LIFR: variants seen among roughly 807,000 people sequenced by gnomAD.
The protein encoded by LIFR is LIF receptor subunit alpha, also known as leukemia inhibitory factor receptor.
In LIFR, 84 loss-of-function variants were observed where a neutral mutation model predicts 122.2. The ratio of observed to expected loss-of-function variants is 0.69; its 90% CI spans 0.58 to 0.82. The LOEUF is 0.82. Ranked by LOEUF, LIFR falls within the 40% of genes least tolerant of loss-of-function variation. The probability of loss-of-function intolerance (pLI) is 0.00; values close to 1 mark genes in which losing one functional copy is unlikely to be tolerated. For missense variants in LIFR, 1,294 were observed against 1,311.6 expected, an observed-to-expected ratio of 0.99 and a Z score of 0.21; for synonymous variants, 422 against 434.7, an observed-to-expected ratio of 0.97 and a Z score of 0.36.
chr5:38,510,433 A>G (rs895080122), intron 7 of LIFR, 31 bp downstream of exon 7: 3 of 1,606,230 alleles, frequency 1.9e-6, no homozygotes, highest in Non-Finnish European at 8.5e-7. Flanking sequence ...ACAGGTTAAT[A>G]GGAATTCTCT....
At chr5:38,528,645 T>C in intron 3 of LIFR, 81 bp downstream of exon 3, 1 of 863,634 alleles carries the variant, frequency 1.2e-6, no homozygotes. Flanking sequence ...CCCTTTAGTT[T>C]CACAAGCAAT....
At chr5:38,512,785 C>T (rs1327165248) in intron 5 of LIFR, among the ~76,000 whole-genome samples, 2 of 152,094 alleles carry the variant, frequency 1.3e-5, no homozygotes, top group Non-Finnish European at 2.9e-5. Context: ...ATTAGGGATG[C>T]TCAACCTGTA....
intron 4 of LIFR, among the ~76,000 whole-genome samples, chr5:38,524,437 G>A (rs922438379): frequency 1.3e-4 from 20 of 152,172 alleles, no homozygotes; most frequent in African/African-American, 4.3e-4. Flanking sequence ...GACCACTGGA[G>A]CAATCCTGGC....
chr5:38,594,526 CAG>C (rs1367357349), intron 1 of LIFR, among the ~76,000 whole-genome samples: 4 of 152,060 alleles, frequency 2.6e-5, no homozygotes, highest in Non-Finnish European at 4.4e-5. Context: ...ATGTTACTAA[CAG>C]GGGAGACTGG....
chr5:38,502,474 G>A (rs1247218701), intron 11 of LIFR, among the ~76,000 whole-genome samples, 163 bp downstream of exon 11: 1 of 152,054 alleles, frequency 6.6e-6, no homozygotes, highest in African/African-American at 2.4e-5. Context: ...GGTCAGGCTG[G>A]TCTCAAACTC....
chr5:38,564,767 C>CACACAT (rs1251512965), intron 1 of LIFR, among the ~76,000 whole-genome samples: 1 of 148,986 alleles, frequency 6.7e-6, no homozygotes, highest in Non-Finnish European at 1.5e-5. Context: ...CACACACACA[C>CACACAT]ACACACACAC....
rs1561180155 is a variant in LIFR at position 38,528,873 on chromosome 5, C to G, written c.143-33G>C. On this transcript the variant is annotated intron_variant, in intron 2 of 19. Transcript: ENST00000453190. ...AGACACACACACACACACACACACA[C>G]ACACAGACACACATAAACACAGAAT... 3 of 494,206 alleles carry G rather than the reference C, an allele frequency of 6.1e-6. No individual in the cohort carries two copies. In the South Asian group the frequency reaches 9.9e-5, roughly 16 times the overall value. The allele number at this position is 494,206 out of a possible 1,614,324, so 30.6% of individuals were successfully genotyped here.
chr5:38,546,512 A>G lies in LIFR; in HGVS notation c.-20+9822T>C, dbSNP rs1747902529. On this transcript the variant is annotated intron_variant, in intron 1 of 19. Transcript: ENST00000453190. ...GAAGCTCTGGAAATACTCATTCCAC[A>G]TCTCACAGGATAACAATCAACTCCA... Among the ~76,000 whole-genome samples the G allele has an allele frequency of 1.2e-4, 18 of 152,350 alleles. 1 individual carries two copies. The South Asian group carries it at 3.5e-3, about 30-fold the overall frequency.
At chr5:38,504,184 AC>A in intron 9 of LIFR, 63 bp from the exon 10 acceptor site, 1 of 1,130,962 alleles carries the variant, frequency 8.8e-7, no homozygotes. Flanking sequence ...TTCTAATATG[AC>A]AAATGAGAAG....
intron 1 of LIFR, among the ~76,000 whole-genome samples, chr5:38,538,533 C>T (rs1747410276): frequency 6.6e-6 from 1 of 152,216 alleles, no homozygotes; most frequent in African/African-American, 2.4e-5. Flanking sequence ...CCCTCCAAAC[C>T]TGCTCTCTTG....
chr5:38,548,604 C>T (rs945491404), intron 1 of LIFR, among the ~76,000 whole-genome samples: 2 of 152,112 alleles, frequency 1.3e-5, no homozygotes, highest in African/African-American at 4.8e-5. Context: ...AGGCACTCAA[C>T]AGTGACTTGA....
rs1246190837 is a variant in LIFR, at chr5:38,536,075, G to A, written c.-19-5409C>T. Among the ~76,000 whole-genome samples the A allele has an allele frequency of 3.3e-5, 5 of 152,066 alleles. No individual in the cohort carries two copies. In the South Asian group the frequency reaches 8.3e-4, roughly 25 times the overall value. ...CTTTATCTTTGGTGAAGAGAGGGAG[G>A]GACTAGTAATTGCTGGGATAAAACA... On this transcript the variant is annotated intron_variant, in intron 1 of 19. Coordinates refer to ENST00000453190, the MANE Select transcript of LIFR (RefSeq NM_001127671.2).
chr5:38,528,406 A>AC (rs1204817558), intron 3 of LIFR, among the ~76,000 whole-genome samples: 2 of 152,134 alleles, frequency 1.3e-5, no homozygotes, highest in Non-Finnish European at 2.9e-5. Flanking sequence ...TCACACTAAG[A>AC]CCGTCCTTCC....
At chr5:38,534,848 C>T (rs1472307361) in intron 1 of LIFR, among the ~76,000 whole-genome samples, 1 of 151,966 alleles carries the variant, frequency 6.6e-6, no homozygotes, top group Non-Finnish European at 1.5e-5. Flanking sequence ...GGTGTGTGAC[C>T]CATAAATATT....
upstream of LIFR, among the ~76,000 whole-genome samples, chr5:38,596,354 A>G (rs992428139): frequency 2.0e-5 from 3 of 152,130 alleles, no homozygotes; most frequent in Admixed American, 6.5e-5. Context: ...TCTTGTGTAC[A>G]CCGAAGTTTG....
At chr5:38,497,907 T>G (rs1165180420) in intron 12 of LIFR, among the ~76,000 whole-genome samples, 1 of 152,230 alleles carries the variant, frequency 6.6e-6, no homozygotes, top group African/African-American at 2.4e-5. Flanking sequence ...TTCACAATAC[T>G]AAAACAAATA....
Position 38,493,613 on chromosome 5 carries a change from T to G in LIFR, c.2058A>C (p.Ile686=). Residue 686 remains isoleucine (I), a synonymous_variant, in exon 14 of 20, where the codon ATA becomes ATC. Transcript: ENST00000453190. The part of the protein sequence containing the change: ...KVPSNSTETV[I]ESDEFRPGIR... ...GACACTAATTCATCTTACCAGATTC[T>G]ATTACAGTTTCAGTGCTGTTTGAGG... is the stretch of plus-strand genomic sequence containing the variant. 6.2e-7 allele frequency: 1 copy of G among 1,613,834 alleles called. No individual in the cohort carries two copies. The highest frequency in any genetic ancestry group is 8.5e-7 in the Non-Finnish European group (1 of 1,179,686).
chr5:38,574,475 ACT>A (rs1162662497), intron 1 of LIFR, among the ~76,000 whole-genome samples: 1 of 152,188 alleles, frequency 6.6e-6, no homozygotes, highest in Non-Finnish European at 1.5e-5. Flanking sequence ...GGACAAGGAC[ACT>A]TTTTTGTTTC....
chr5:38,487,025 T>C (rs1016779265), intron 16 of LIFR, among the ~76,000 whole-genome samples: 4 of 152,142 alleles, frequency 2.6e-5, no homozygotes, highest in African/African-American at 9.7e-5. Flanking sequence ...TATCCTCCAA[T>C]GTACACTCAG....
Sources: gnomAD v4.1 joint callset for allele counts (sites outside exome capture counted in the v4.1 genomes callset) on GRCh38, gnomAD v4.1.1 for gene constraint, MANE v1.5 for transcripts, NCBI Gene and HGNC (gene_info 2026-07-23, HGNC 2026-07-21) for gene names.